DGKB: variants seen among roughly 807,000 people sequenced by gnomAD.
DGKB encodes 90 kDa diacylglycerol kinase.
Under a neutral mutation model 114.3 loss-of-function variants are expected in DGKB, and 67 were observed. The observed-to-expected ratio is 0.59, with a 90% CI of 0.48 to 0.72. DGKB has a LOEUF of 0.72. Ranked by LOEUF, DGKB falls within the 30% of genes least tolerant of loss-of-function variation. DGKB has a pLI of 0.00. For missense variants in DGKB, 907 were observed against 975.2 expected (o/e 0.93, Z 0.93); for synonymous variants, 398 against 323.1 (o/e 1.23, Z -2.49).
intron 20 of DGKB, among the ~76,000 whole-genome samples, chr7:14,538,008 A>G (rs1039319370): frequency 3.5e-5 from 5 of 142,812 alleles, no homozygotes; most frequent in African/African-American, 1.3e-4. Context: ...TGAACCTAGA[A>G]GGCGGAGTTT....
chr7:14,476,130 ACTT>A (rs1316585505), intron 21 of DGKB, among the ~76,000 whole-genome samples: 2 of 151,850 alleles, frequency 1.3e-5, no homozygotes, highest in African/African-American at 2.4e-5. Context: ...ATGAATATAA[ACTT>A]CTTTATGAAT....
chr7:14,449,007 C>A (rs568223667), intron 21 of DGKB, among the ~76,000 whole-genome samples: 1 of 152,082 alleles, frequency 6.6e-6, no homozygotes, highest in East Asian at 1.9e-4. Flanking sequence ...CGGATGGGTG[C>A]AATAGATACA....
intron 1 of DGKB, among the ~76,000 whole-genome samples, chr7:14,969,092 A>C (rs1787320302): frequency 1.3e-5 from 2 of 152,214 alleles, no homozygotes; most frequent in Admixed American, 6.5e-5. Flanking sequence ...AATTGCAGCA[A>C]CAGATTATGG....
intron 21 of DGKB, among the ~76,000 whole-genome samples, chr7:14,373,069 T>A (rs1041261044): frequency 2.0e-4 from 30 of 152,172 alleles, no homozygotes; most frequent in African/African-American, 6.8e-4. Context: ...ATTGCCCACA[T>A]GAGATTCACT....
At chr7:14,349,898 T>C (rs533333697) in intron 21 of DGKB, among the ~76,000 whole-genome samples, 13 of 152,260 alleles carry the variant, frequency 8.5e-5, no homozygotes, top group Admixed American at 4.6e-4. Context: ...ACATTTAACC[T>C]ATTGTGAAAT....
intron 23 of DGKB, among the ~76,000 whole-genome samples, chr7:14,250,095 C>T (rs1296316981): frequency 6.6e-6 from 1 of 150,822 alleles, no homozygotes; most frequent in African/African-American, 2.4e-5. Context: ...GCTGGGACTA[C>T]AGGTGTGGGC....
chr7:14,547,878 C>G (rs1439157633), intron 20 of DGKB, among the ~76,000 whole-genome samples: 1 of 152,126 alleles, frequency 6.6e-6, no homozygotes, highest in South Asian at 2.1e-4. Context: ...CATCTACATC[C>G]TGGAGCATTT....
At chr7:14,522,359 G>A (rs886911460) in intron 20 of DGKB, among the ~76,000 whole-genome samples, 3 of 152,006 alleles carry the variant, frequency 2.0e-5, no homozygotes, top group African/African-American at 7.2e-5. Flanking sequence ...AGATATATGC[G>A]GCGTTTATCA....
Position 14,597,334 on chromosome 7 carries a change from CATT to C in DGKB, c.1433+10097_1433+10099del, listed in dbSNP as rs552304585. The stretch of plus-strand genomic sequence containing the variant: ...TAAATAATGTAATTGGAGAATAAAA[CATT>C]ATGAATTCAACAAACATCTGCCATT... On this transcript the variant is annotated intron_variant, in intron 17 of 25. Coordinates refer to ENST00000402815, the MANE Select transcript of DGKB (RefSeq NM_001350709.2). Among the ~76,000 whole-genome samples, 244 of 152,154 alleles carry C rather than the reference CATT, an allele frequency of 1.6e-3. 1 individual carries two copies. Among genetic ancestry groups the C allele is most frequent in the Non-Finnish European group, 1.9e-3 (129 of 68,004 alleles).
At chr7:14,681,992 C>G (rs1585614411) in intron 12 of DGKB, among the ~76,000 whole-genome samples, 1 of 152,060 alleles carries the variant, frequency 6.6e-6, no homozygotes, top group South Asian at 2.1e-4. Flanking sequence ...GCATCAAGAC[C>G]TGAATAAAAC....
At chr7:14,606,468 AT>A (rs1804528551) in intron 17 of DGKB, among the ~76,000 whole-genome samples, 1 of 152,072 alleles carries the variant, frequency 6.6e-6, no homozygotes, top group African/African-American at 2.4e-5. Flanking sequence ...TACTTTATGA[AT>A]GTATTTTTTG....
chr7:14,465,882 T>A (rs145061666), intron 21 of DGKB, among the ~76,000 whole-genome samples: 1 of 152,270 alleles, frequency 6.6e-6, no homozygotes, highest in Non-Finnish European at 1.5e-5. Context: ...ATGTGATATA[T>A]GTAGTGTGAG....
At chr7:14,297,838 A>T (rs897404329) in intron 23 of DGKB, among the ~76,000 whole-genome samples, 3 of 152,200 alleles carry the variant, frequency 2.0e-5, no homozygotes, top group Non-Finnish European at 4.4e-5. Context: ...CCTTAAGCTG[A>T]AAAACAACTT....
At chr7:14,726,575 G>A (rs532872188) in intron 5 of DGKB, among the ~76,000 whole-genome samples, 4 of 152,250 alleles carry the variant, frequency 2.6e-5, no homozygotes, top group African/African-American at 4.8e-5. Flanking sequence ...TGGATACATT[G>A]ATTAAATCAT....
chr7:14,152,164 T>G (rs1241515548), intron 25 of DGKB, among the ~76,000 whole-genome samples: 1 of 152,080 alleles, frequency 6.6e-6, no homozygotes, highest in Non-Finnish European at 1.5e-5. Context: ...GAGTAAAAAT[T>G]TTATCCCCAA....
At chr7:14,663,275 C>T (rs974395423) in intron 13 of DGKB, among the ~76,000 whole-genome samples, 4 of 151,940 alleles carry the variant, frequency 2.6e-5, no homozygotes, top group Non-Finnish European at 5.9e-5. Context: ...TCTCCTGATA[C>T]TTAACATCAA....
At chr7:14,965,562 TG>T (rs1370763450) in intron 1 of DGKB, among the ~76,000 whole-genome samples, 2 of 152,106 alleles carry the variant, frequency 1.3e-5, no homozygotes, top group African/African-American at 4.8e-5. Context: ...TTTTTTCTTA[TG>T]GATTGGTAGC....
intron 2 of DGKB, among the ~76,000 whole-genome samples, chr7:14,834,826 G>A (rs1236332087): frequency 6.6e-6 from 1 of 152,058 alleles, no homozygotes; most frequent in Non-Finnish European, 1.5e-5. Flanking sequence ...TGGATTTTTT[G>A]GGGGGAGGTC....
chr7:14,683,492 C>A (rs1387071078), intron 10 of DGKB, among the ~76,000 whole-genome samples: 1 of 151,984 alleles, frequency 6.6e-6, no homozygotes, highest in African/African-American at 2.4e-5. Context: ...ATATATGTAT[C>A]TATGTATATA....
Sources: allele counts gnomAD v4.1 joint callset (sites outside exome capture counted in the v4.1 genomes callset), GRCh38; gene constraint gnomAD v4.1.1; transcripts MANE v1.5; gene names NCBI Gene and HGNC (gene_info 2026-07-23, HGNC 2026-07-21).